SAMD12: variants seen among roughly 807,000 people sequenced by gnomAD.
SAMD12 encodes the protein sterile alpha motif domain-containing protein 12.
In SAMD12, 9 loss-of-function variants were observed where a neutral mutation model predicts 15.0. That is an observed-to-expected ratio of 0.60 (90% CI 0.36 to 1.05). The LOEUF (loss-of-function observed/expected upper bound fraction) is 1.05. Among genes scored for constraint, SAMD12 ranks in the 50% least tolerant of loss-of-function variants. The pLI is 0.01. For missense variants in SAMD12, 230 were observed against 234.2 expected (o/e 0.98, Z 0.12); for synonymous variants, 86 against 90.1 (o/e 0.96, Z 0.25).
chr8:118,551,026 A>G (rs1035880787), intron 2 of SAMD12, among the ~76,000 whole-genome samples: 1 of 152,242 alleles, frequency 6.6e-6, no homozygotes, highest in South Asian at 2.1e-4. Flanking sequence ...CAGATTCATA[A>G]AGCAAGTCCT....
At chr8:118,427,718 T>A (rs1483220544) in intron 3 of SAMD12, among the ~76,000 whole-genome samples, 1 of 152,254 alleles carries the variant, frequency 6.6e-6, no homozygotes, top group Non-Finnish European at 1.5e-5. Flanking sequence ...AATTTTTGGT[T>A]ATTCTAATCT....
chr8:118,368,475 A>T (rs1488762192), intron 4 of SAMD12, among the ~76,000 whole-genome samples: 2 of 152,058 alleles, frequency 1.3e-5, no homozygotes, highest in African/African-American at 4.8e-5. Context: ...ATTAGATGAA[A>T]CCACTCAAAG....
chr8:118,154,167 C>T, the SAMD12 span, among the ~76,000 whole-genome samples: 3 of 149,736 alleles, frequency 2.0e-5, no homozygotes, highest in Non-Finnish European at 4.5e-5. Context: ...CACACATACA[C>T]ACACATACAA....
At position 118,621,954 on chromosome 8, in the gene SAMD12, A is replaced by T. The variant is rs764455503; in HGVS notation, c.-138T>A. On this transcript the variant is annotated 5_prime_UTR_variant, in exon 1 of 4. Transcript: ENST00000314727. Reference sequence around the variant, plus strand: ...CAGGACCAACCTGCCGCGGTCACGCAAAGCGAGGCAGCCGGCTCCCGGCTC... The same window carrying T: ...CAGGACCAACCTGCCGCGGTCACGCTAAGCGAGGCAGCCGGCTCCCGGCTC... The T allele has an allele frequency of 3.8e-6, 4 of 1,066,074 alleles. No homozygotes were observed. The highest frequency in any genetic ancestry group is 5.8e-6 in the Non-Finnish European group (4 of 687,316). 66.0% of individuals were successfully genotyped at this position (1,066,074 alleles called of 1,614,324 possible). A position where few individuals can be genotyped will look rare whatever the true frequency, so the allele number is the denominator to read the frequency against.
intron 4 of SAMD12, among the ~76,000 whole-genome samples, chr8:118,236,939 T>C (rs1462204963): frequency 2.6e-5 from 4 of 152,188 alleles, no homozygotes; most frequent in Non-Finnish European, 5.9e-5. Context: ...AGAAGGGACA[T>C]AGTTTGTGCT....
At chr8:118,557,839 T>C (rs959471858) in intron 2 of SAMD12, among the ~76,000 whole-genome samples, 1 of 152,196 alleles carries the variant, frequency 6.6e-6, no homozygotes, top group African/African-American at 2.4e-5. Context: ...AACTTCTATT[T>C]ATATACACTC....
intron 3 of SAMD12, among the ~76,000 whole-genome samples, chr8:118,437,257 G>A (rs1822603184): frequency 6.6e-6 from 1 of 152,112 alleles, no homozygotes; most frequent in African/African-American, 2.4e-5. Context: ...AGAGAAGCAG[G>A]GGCCAGAGAA....
At chr8:118,158,752 C>T in the SAMD12 span, among the ~76,000 whole-genome samples, 1 of 152,128 alleles carries the variant, frequency 6.6e-6, no homozygotes, top group African/African-American at 2.4e-5. Flanking sequence ...CCCTCCGGAG[C>T]CCATAAAACC....
intron 3 of SAMD12, among the ~76,000 whole-genome samples, chr8:118,420,661 C>T (rs761685845): frequency 1.6e-4 from 24 of 152,114 alleles, no homozygotes; most frequent in Non-Finnish European, 3.1e-4. Flanking sequence ...GAGATTATTT[C>T]CGGATGTAAG....
At chr8:118,600,705 G>A (rs1055448229) in intron 1 of SAMD12, among the ~76,000 whole-genome samples, 2 of 151,932 alleles carry the variant, frequency 1.3e-5, no homozygotes, top group Non-Finnish European at 2.9e-5. Context: ...ATGTGTCCTA[G>A]CACTTCTGAA....
chr8:118,549,550 C>T (rs909576393), intron 2 of SAMD12, among the ~76,000 whole-genome samples: 4 of 152,054 alleles, frequency 2.6e-5, no homozygotes, highest in Non-Finnish European at 5.9e-5. Flanking sequence ...TCATCAGAGG[C>T]CAAAAGTAGA....
chr8:118,531,439 C>A (rs751719273), intron 2 of SAMD12, among the ~76,000 whole-genome samples: 22 of 152,054 alleles, frequency 1.4e-4, no homozygotes, highest in Non-Finnish European at 2.5e-4. Flanking sequence ...ATGAACTTTA[C>A]AGTAGTTTTT....
intron 2 of SAMD12, among the ~76,000 whole-genome samples, chr8:118,473,336 GTGAGTACGCCATC>G (rs1374819270): frequency 1.3e-5 from 2 of 152,112 alleles, no homozygotes; most frequent in Non-Finnish European, 2.9e-5. Flanking sequence ...AAAAATCCTA[GTGAGTACGCCATC>G]TGTTTCCTGC....
In SAMD12 at chr8:118,379,071, C is replaced by A. The variant is rs937955667; in HGVS notation, c.*346G>T. The A allele has an allele frequency of 2.5e-5, 26 of 1,042,994 alleles. No homozygotes were observed. The African/African-American group carries it at 4.3e-4, about 17-fold the overall frequency. The allele number at this position is 1,042,994 out of a possible 1,614,324, so 64.6% of individuals were successfully genotyped here. On this transcript the variant is annotated 3_prime_UTR_variant, in exon 4 of 4. Transcript: ENST00000314727. ...TCTAAAATGTTTTTCTCCCACTAAC[C>A]GGTGAAAAGCAAAACAAAAATACAA... is the stretch of plus-strand genomic sequence containing the variant.
chr8:118,401,372 A>T (rs1452177595), intron 3 of SAMD12, among the ~76,000 whole-genome samples: 1 of 152,000 alleles, frequency 6.6e-6, no homozygotes, highest in Non-Finnish European at 1.5e-5. Context: ...TTGGATTATG[A>T]CAGATCTGGG....
At chr8:118,611,468 G>A (rs190424717) in intron 1 of SAMD12, among the ~76,000 whole-genome samples, 2 of 152,290 alleles carry the variant, frequency 1.3e-5, no homozygotes, top group Non-Finnish European at 2.9e-5. Flanking sequence ...TTTGGATGCC[G>A]TCTCCAACTC....
chr8:118,546,839 G>A (rs936247252), intron 2 of SAMD12, among the ~76,000 whole-genome samples: 1 of 152,160 alleles, frequency 6.6e-6, no homozygotes, highest in East Asian at 1.9e-4. Context: ...AACACTTGGT[G>A]CCTGGAAGAG....
the SAMD12 span, among the ~76,000 whole-genome samples, chr8:118,176,027 C>A: frequency 6.6e-6 from 1 of 152,100 alleles, no homozygotes; most frequent in Non-Finnish European, 1.5e-5. Context: ...TTTGGCCAGG[C>A]GTGGTGGCTC....
At chr8:118,576,567 A>C (rs139098430) in intron 2 of SAMD12, among the ~76,000 whole-genome samples, 2 of 152,302 alleles carry the variant, frequency 1.3e-5, no homozygotes, top group South Asian at 2.1e-4. Flanking sequence ...TTCGCAGCAT[A>C]GGTCAAGTTC....
Sources: allele counts gnomAD v4.1 joint callset (sites outside exome capture counted in the v4.1 genomes callset), GRCh38; gene constraint gnomAD v4.1.1; transcripts MANE v1.5; gene names NCBI Gene and HGNC (gene_info 2026-07-23, HGNC 2026-07-21).